The following CSMD2 variants were observed in gnomAD, a reference collection of about 807,000 sequenced individuals.
CSMD2 encodes CUB and Sushi multiple domains 2, also known as CUB and sushi domain-containing protein 2.
A neutral mutation model predicts 398.5 loss-of-function variants in CSMD2; 130 were observed. The observed-to-expected ratio is 0.33, with a 90% confidence interval of 0.28 to 0.38. The LOEUF is 0.38. Among genes scored for constraint, CSMD2 ranks in the 10% least tolerant of loss-of-function variants. CSMD2 has a pLI of 1.00. For synonymous variants in CSMD2, 1,828 were observed against 1,908.5 expected, an observed-to-expected ratio of 0.96 and a Z score of 1.10; for missense variants, 3,829 against 4,764.9, an observed-to-expected ratio of 0.80 and a Z score of 5.78.
intron 1 of CSMD2, among the ~76,000 whole-genome samples, chr1:34,156,700 A>G (rs1640838629): frequency 6.6e-6 from 1 of 152,182 alleles, no homozygotes; most frequent in African/African-American, 2.4e-5. Flanking sequence ...TCTGTTCTAG[A>G]TGGCACAGGA....
chr1:33,605,527 G>A lies in CSMD2; in HGVS notation c.6344-57C>T, dbSNP rs557398519. 1.4e-4 allele frequency: 219 copies of A among 1,554,344 alleles called. 1 individual carries two copies. The African/African-American group carries it at 2.0e-3, about 14-fold the overall frequency. ...TTCTCTCTGACCAGAAAATAGGAGC[G>A]GCAGAAAGCATAGTGGTGAAGCCTC... On this transcript the variant is annotated intron_variant, in intron 41 of 70. Coordinates refer to ENST00000373381, the MANE Select transcript of CSMD2 (RefSeq NM_001281956.2).
chr1:33,671,929 A>G (rs990796922), intron 25 of CSMD2, among the ~76,000 whole-genome samples: 1 of 152,146 alleles, frequency 6.6e-6, no homozygotes, highest in African/African-American at 2.4e-5. Context: ...AAACAAACAA[A>G]TGATTCCCAC....
At chr1:33,836,805 A>G (rs6674740) in intron 6 of CSMD2, among the ~76,000 whole-genome samples, 119,577 of 152,152 alleles carry the variant, frequency 0.79, 47,836 homozygotes, top group East Asian at 0.94. Flanking sequence ...AACCCCTTGC[A>G]CTTCCTGGGT....
intron 6 of CSMD2, among the ~76,000 whole-genome samples, chr1:33,845,982 A>G (rs566603428): frequency 2.3e-4 from 35 of 152,354 alleles, no homozygotes; most frequent in South Asian, 1.4e-3. Flanking sequence ...TGTCTATTCT[A>G]TTAAAACCAA....
intron 10 of CSMD2, among the ~76,000 whole-genome samples, chr1:33,808,375 GCA>G (rs1263088520): frequency 2.6e-5 from 4 of 151,524 alleles, no homozygotes; most frequent in Non-Finnish European, 5.9e-5. Flanking sequence ...GGTCCTAAAA[GCA>G]CAAATTTCAA....
At chr1:34,034,812 A>G (rs139560034) in intron 2 of CSMD2, among the ~76,000 whole-genome samples, 396 of 152,346 alleles carry the variant, frequency 2.6e-3, no homozygotes, top group South Asian at 8.9e-3. Flanking sequence ...AAAAACTGTA[A>G]AAGATAATGA....
chr1:33,532,342 G>T (rs1013025804), intron 64 of CSMD2, among the ~76,000 whole-genome samples: 14 of 152,230 alleles, frequency 9.2e-5, no homozygotes, highest in African/African-American at 3.4e-4. Context: ...GGTATCTGGT[G>T]AGGTGAGTGC....
At position 34,163,197 on chromosome 1, in the gene CSMD2, C is replaced by T. The variant is rs1641518776; in HGVS notation, c.187+1714G>A. 6.6e-6 allele frequency among the ~76,000 whole-genome samples: 1 copy of T among 152,278 alleles called. No homozygotes were observed. The highest frequency in any genetic ancestry group is 2.4e-5 in the African/African-American group (1 of 41,480). On this transcript the variant is annotated intron_variant, in intron 1 of 70. Coordinates refer to ENST00000373381, the MANE Select transcript of CSMD2 (RefSeq NM_001281956.2). The surrounding 1 kb of genome is among the most constrained non-coding windows in gnomAD (Gnocchi z 5.4). ...AAGCCAGAGACCGGCCTCGCCTCAA[C>T]GTACGTCCGGGAGGCCTGGCGGGAG...
At chr1:33,657,823 C>A (rs1643996654) in intron 27 of CSMD2, 123 bp downstream of exon 27, 2 of 958,362 alleles carry the variant, frequency 2.1e-6, no homozygotes. Flanking sequence ...GGGTTTTCTG[C>A]AACTTTTGTC....
At position 33,724,277 on chromosome 1, in the gene CSMD2, G is replaced by T; in HGVS notation, c.2921C>A (p.Thr974Asn). The change falls in exon 19 of 71, where the codon ACC becomes AAC. Residue 974 changes from threonine (T) to asparagine (N), a missense_variant. Thr to Asn is a moderately conservative substitution (Grantham distance 65). Transcript: ENST00000373381. The stretch of plus-strand genomic sequence containing the variant: ...GTCAGGGAACCCTGGCGACAAGATG[G>T]TCCCACTGGAGCCTTGAATGAAGCC... Reference protein sequence around the residue: ...CGGFIQGSSGTILSPGFPDFY... With the variant: ...CGGFIQGSSGNILSPGFPDFY... The T allele has an allele frequency of 6.2e-7, 1 of 1,614,076 alleles. No individual in the cohort carries two copies. The highest frequency in any genetic ancestry group is 8.5e-7 in the Non-Finnish European group (1 of 1,179,982).
At chr1:33,840,129 A>G (rs1660703951) in intron 6 of CSMD2, 1 of 152,240 alleles carries the variant, frequency 6.6e-6, no homozygotes, top group Non-Finnish European at 1.5e-5. Context: ...TGTTGGGAGT[A>G]GCATGTTCTA....
chr1:33,777,668 G>C lies in CSMD2; in HGVS notation c.1664-4917C>G, dbSNP rs78957538. On this transcript the variant is annotated intron_variant, in intron 12 of 70. Transcript: ENST00000373381. ...ATTCCGTTTTATGAGTGTTTCTCCT[G>C]TCTCTCTCCTTTTGCCTACCAAAAG... Among the ~76,000 whole-genome samples the C allele has an allele frequency of 7.5e-3, 1,135 of 152,260 alleles. 19 individuals are homozygous for C. The highest frequency in any genetic ancestry group is 0.026 in the African/African-American group (1,095 of 41,542).
At chr1:33,989,804 G>A (rs907935571) in intron 3 of CSMD2, among the ~76,000 whole-genome samples, 7 of 152,122 alleles carry the variant, frequency 4.6e-5, no homozygotes, top group South Asian at 2.1e-4. Flanking sequence ...CTAATCTGAC[G>A]TGACAGAAAG....
chr1:33,535,023 T>C (rs1655632892), intron 62 of CSMD2, among the ~76,000 whole-genome samples: 1 of 152,212 alleles, frequency 6.6e-6, no homozygotes, highest in Non-Finnish European at 1.5e-5. Flanking sequence ...ATATTTCAAA[T>C]GAAGAATCAG....
Position 33,679,267 on chromosome 1 carries a change from T to A in CSMD2, c.4052+13663A>T, listed in dbSNP as rs111920710. Among the ~76,000 whole-genome samples, 57 of 143,472 alleles carry A rather than the reference T, an allele frequency of 4.0e-4. 5 individuals are homozygous for A. Among genetic ancestry groups the A allele is most frequent in the African/African-American group, 1.3e-3 (53 of 39,446 alleles). The allele number at this position is 143,472 out of a possible 152,430, so 94.1% of individuals were successfully genotyped here. On this transcript the variant is annotated intron_variant, in intron 25 of 70. Transcript: ENST00000373381. ...ACCAGGTTGGAGTGCAGTGGTGCCA[T>A]CTTGGCTCACTGCAATCTCCGCCCC...
chr1:33,821,519 G>C (rs1658152393), intron 7 of CSMD2, among the ~76,000 whole-genome samples: 1 of 152,060 alleles, frequency 6.6e-6, no homozygotes, highest in African/African-American at 2.4e-5. Flanking sequence ...AGGGTTCCAG[G>C]GCATCTGGAC....
chr1:33,656,421 C>T (rs562422250), intron 27 of CSMD2, among the ~76,000 whole-genome samples: 2 of 152,334 alleles, frequency 1.3e-5, no homozygotes, highest in South Asian at 4.1e-4. Flanking sequence ...ATCTGAAACC[C>T]AGGTCTCAAC....
intron 5 of CSMD2, among the ~76,000 whole-genome samples, chr1:33,914,276 AG>A (rs997953637): frequency 6.6e-6 from 1 of 152,044 alleles, no homozygotes; most frequent in African/African-American, 2.4e-5. Context: ...ACTGTGTGTA[AG>A]GGGGGACAGG....
intron 12 of CSMD2, among the ~76,000 whole-genome samples, chr1:33,781,814 A>C (rs1440555813): frequency 6.6e-6 from 1 of 152,194 alleles, no homozygotes; most frequent in Non-Finnish European, 1.5e-5. Flanking sequence ...CTATGACTGC[A>C]TTTCCCACAG....
Sources: allele counts gnomAD v4.1 joint callset (sites outside exome capture counted in the v4.1 genomes callset), GRCh38; gene constraint gnomAD v4.1.1; non-coding constraint Gnocchi (gnomAD v3.1); transcripts MANE v1.5; gene names NCBI Gene and HGNC (gene_info 2026-07-23, HGNC 2026-07-21).